The following NRG3 variants were observed in gnomAD, a reference collection of about 807,000 sequenced individuals.
The protein encoded by NRG3 is neuregulin 3.
A neutral mutation model predicts 66.9 loss-of-function variants in NRG3; 31 were observed. The observed-to-expected ratio is 0.46, with a 90% CI of 0.35 to 0.63. The LOEUF (loss-of-function observed/expected upper bound fraction) is 0.63. NRG3 is among the 20% of genes least tolerant of loss of function. The probability of loss-of-function intolerance (pLI) is 0.00; values close to 1 mark genes in which losing one functional copy is unlikely to be tolerated. For synonymous variants in NRG3, 393 were observed against 359.4 expected, an observed-to-expected ratio of 1.09 and a Z score of -1.06; for missense variants, 910 against 878.9, an observed-to-expected ratio of 1.04 and a Z score of -0.45.
intron 1 of NRG3, among the ~76,000 whole-genome samples, chr10:82,272,807 T>C (rs1347829598): frequency 6.6e-6 from 1 of 152,080 alleles, no homozygotes; most frequent in Non-Finnish European, 1.5e-5. Flanking sequence ...TTTATGGACC[T>C]GAGAAGATAT....
intron 1 of NRG3, among the ~76,000 whole-genome samples, chr10:82,311,551 C>T (rs1289985044): frequency 6.6e-6 from 1 of 152,034 alleles, no homozygotes; most frequent in Admixed American, 6.6e-5. Context: ...CGAATAGCAA[C>T]AACAACAACA....
At chr10:81,944,742 G>T (rs190531312) in intron 1 of NRG3, among the ~76,000 whole-genome samples, 98 of 152,164 alleles carry the variant, frequency 6.4e-4, no homozygotes, top group African/African-American at 2.3e-3. Context: ...TTGAATTATA[G>T]GATGAATGAA....
intron 2 of NRG3, among the ~76,000 whole-genome samples, chr10:82,584,609 T>C (rs769639240): frequency 6.6e-5 from 10 of 152,234 alleles, no homozygotes; most frequent in Non-Finnish European, 1.5e-4. Flanking sequence ...TTTTTATTTT[T>C]CCACATTCTC....
chr10:82,106,420 A>G (rs546175485), intron 1 of NRG3, among the ~76,000 whole-genome samples: 70 of 152,222 alleles, frequency 4.6e-4, no homozygotes, highest in Non-Finnish European at 9.3e-4. Context: ...TAAACCCAGG[A>G]TCCCTTTCAG....
chr10:82,045,990 G>A (rs1436690702), intron 1 of NRG3, among the ~76,000 whole-genome samples: 1 of 149,838 alleles, frequency 6.7e-6, no homozygotes, highest in Admixed American at 6.7e-5. Flanking sequence ...ATAGTTTGAA[G>A]TCAGGTAGCG....
At chr10:82,751,045 G>A (rs1235958505) in intron 3 of NRG3, among the ~76,000 whole-genome samples, 4 of 152,122 alleles carry the variant, frequency 2.6e-5, no homozygotes, top group African/African-American at 9.7e-5. Context: ...TGACAAAACT[G>A]TGAACAATTA....
At chr10:82,052,776 T>G (rs7476767) in intron 1 of NRG3, among the ~76,000 whole-genome samples, 140,008 of 152,154 alleles carry the variant, frequency 0.92, 64,553 homozygotes, top group Middle Eastern at 0.99. Flanking sequence ...TGTTTAGTAT[T>G]ATTCAATTAC....
chr10:82,618,924 G>A (rs2048849035), intron 2 of NRG3, among the ~76,000 whole-genome samples: 1 of 142,550 alleles, frequency 7.0e-6, no homozygotes, highest in Admixed American at 7.4e-5. Context: ...GGAGGTAATA[G>A]GAGTGATTTT....
chr10:82,058,937 A>C (rs1305705737), intron 1 of NRG3, among the ~76,000 whole-genome samples: 2 of 152,270 alleles, frequency 1.3e-5, no homozygotes, highest in East Asian at 3.9e-4. Flanking sequence ...GGGTGATTTG[A>C]AGTCTGTATT....
In NRG3 at chr10:82,597,127, A is replaced by C. The variant is rs553501592; in HGVS notation, c.954-141450A>C. Among the ~76,000 whole-genome samples, 33 of 152,358 alleles carry C rather than the reference A, an allele frequency of 2.2e-4. No individual in the cohort carries two copies. The South Asian group carries it at 6.0e-3, about 28-fold the overall frequency. ...AAACCCTAATTTAAAGAAGTAAAAG[A>C]GATCTTCCCAAATTTTAAGCAACCG... On this transcript the variant is annotated intron_variant, in intron 2 of 8. Transcript: ENST00000372141.
intron 1 of NRG3, among the ~76,000 whole-genome samples, chr10:82,143,435 A>G (rs566074123): frequency 6.6e-6 from 1 of 152,284 alleles, no homozygotes; most frequent in African/African-American, 2.4e-5. Context: ...CATACTGTGC[A>G]GTTCAGTTCA....
intron 1 of NRG3, among the ~76,000 whole-genome samples, chr10:82,272,773 T>C (rs2078662083): frequency 6.6e-6 from 1 of 152,112 alleles, no homozygotes; most frequent in African/African-American, 2.4e-5. Context: ...AAAGCTATCT[T>C]GTGTCCTCTT....
intron 1 of NRG3, among the ~76,000 whole-genome samples, chr10:82,168,031 T>C (rs1204570323): frequency 6.6e-6 from 1 of 152,158 alleles, no homozygotes; most frequent in Non-Finnish European, 1.5e-5. Flanking sequence ...AATTATGTTT[T>C]GGAAATTGAA....
intron 2 of NRG3, among the ~76,000 whole-genome samples, chr10:82,541,197 GATATAA>G (rs2043516328): frequency 6.6e-6 from 1 of 152,030 alleles, no homozygotes; most frequent in African/African-American, 2.4e-5. Flanking sequence ...CTTATTGGTA[GATATAA>G]ATATGAAAAT....
At chr10:81,890,841 G>C (rs988834707) in intron 1 of NRG3, among the ~76,000 whole-genome samples, 3 of 152,184 alleles carry the variant, frequency 2.0e-5, no homozygotes, top group African/African-American at 7.2e-5. Context: ...ATTGAGCAGA[G>C]TGATCTTTGG....
intron 2 of NRG3, among the ~76,000 whole-genome samples, chr10:82,402,162 C>A (rs115012371): frequency 2.5e-3 from 386 of 151,728 alleles, no homozygotes; most frequent in African/African-American, 8.9e-3. Flanking sequence ...TCATAAGAGG[C>A]ATATCTATTT....
intron 2 of NRG3, among the ~76,000 whole-genome samples, chr10:82,502,728 A>G (rs1289720617): frequency 6.6e-6 from 1 of 152,170 alleles, no homozygotes; most frequent in East Asian, 1.9e-4. Context: ...TCCTGCCTTA[A>G]ATCACACTAG....
intron 1 of NRG3, among the ~76,000 whole-genome samples, chr10:82,217,979 T>C (rs1163361730): frequency 1.3e-5 from 2 of 152,214 alleles, no homozygotes; most frequent in Non-Finnish European, 2.9e-5. Flanking sequence ...AATTTTCTCA[T>C]TTTCTTTTTA....
chr10:82,389,686 G>A (rs2086225827), intron 2 of NRG3, among the ~76,000 whole-genome samples: 1 of 152,042 alleles, frequency 6.6e-6, no homozygotes. Flanking sequence ...CAACATTACA[G>A]GTAATATCCA....
Sources: allele counts gnomAD v4.1 joint callset (sites outside exome capture counted in the v4.1 genomes callset), GRCh38; gene constraint gnomAD v4.1.1; transcripts MANE v1.5; gene names NCBI Gene and HGNC (gene_info 2026-07-23, HGNC 2026-07-21).